The following DNAH9 variants were observed in gnomAD, a reference collection of about 807,000 sequenced individuals.
DNAH9 encodes the protein dynein axonemal heavy chain 9.
Under a neutral mutation model 471.6 loss-of-function variants are expected in DNAH9, and 345 were observed. The ratio of observed to expected loss-of-function variants is 0.73; its 90% confidence interval spans 0.67 to 0.80. DNAH9 has a LOEUF of 0.80. Ranked by LOEUF, DNAH9 falls within the 30% of genes least tolerant of loss-of-function variation. The pLI is 0.00. For missense variants in DNAH9, 5,407 were observed against 5,609.2 expected (o/e 0.96, Z 1.15); for synonymous variants, 2,093 against 2,123.6 (o/e 0.99, Z 0.40).
At chr17:11,698,039 G>A (rs962615655) in intron 22 of DNAH9, among the ~76,000 whole-genome samples, 20 of 143,268 alleles carry the variant, frequency 1.4e-4, no homozygotes, top group Non-Finnish European at 2.9e-4. Context: ...ATGTATAAAG[G>A]TTAAAAAAAT....
chr17:11,899,867 T>C (rs187388468), intron 59 of DNAH9, among the ~76,000 whole-genome samples: 98 of 152,280 alleles, frequency 6.4e-4, no homozygotes, highest in Admixed American at 2.2e-3. Context: ...ATTTCCTAAG[T>C]GCCAGGCACC....
chr17:11,656,024 G>A (rs937328576), intron 14 of DNAH9, among the ~76,000 whole-genome samples: 14 of 152,104 alleles, frequency 9.2e-5, no homozygotes, highest in African/African-American at 2.9e-4. Flanking sequence ...CTATAAACGG[G>A]CCTGTGCCCA....
At chr17:11,740,896 C>T (rs1269048456) in intron 29 of DNAH9, among the ~76,000 whole-genome samples, 2 of 152,036 alleles carry the variant, frequency 1.3e-5, no homozygotes, top group Non-Finnish European at 2.9e-5. Flanking sequence ...TTTTTTTTCC[C>T]AATACTGCAA....
At position 11,762,786 on chromosome 17, in the gene DNAH9, T is replaced by TGTTTTTTTTG. The variant is rs796619027; in HGVS notation, c.6996-654_6996-653insGTTTTTTTTG. Reference sequence around the variant, plus strand: ...TTTTTTTTTGTTTTTTTTTTTTTTTTTTTTTTTTTTTGAGATGGAGTCTCA... The same window carrying TGTTTTTTTTG: ...TTTTTTTTTGTTTTTTTTTTTTTTTTGTTTTTTTTGTTTTTTTTTTTGAGATGGAGTCTCA... On this transcript the variant is annotated intron_variant, in intron 35 of 68. Transcript: ENST00000262442. 6.7e-4 allele frequency among the ~76,000 whole-genome samples: 91 copies of TGTTTTTTTTG among 135,792 alleles called. 4 individuals carry two copies. The highest frequency in any genetic ancestry group is 2.3e-3 in the African/African-American group (87 of 37,318). The allele number at this position is 135,792 out of a possible 152,430, so 89.1% of individuals were successfully genotyped here.
intron 52 of DNAH9, 113 bp downstream of exon 52, chr17:11,871,899 C>A: frequency 2.6e-6 from 3 of 1,141,006 alleles, no homozygotes; most frequent in Admixed American, 2.1e-5. Flanking sequence ...ATCCCCACCA[C>A]CCCCTGAGCA....
chr17:11,780,706 A>G (rs1277806969), intron 38 of DNAH9, among the ~76,000 whole-genome samples: 1 of 152,226 alleles, frequency 6.6e-6, no homozygotes, highest in Admixed American at 6.5e-5. Flanking sequence ...AAAATGGGAT[A>G]ATACTAATCT....
chr17:11,877,526 C>T, intron 53 of DNAH9, among the ~76,000 whole-genome samples: 1 of 140,798 alleles, frequency 7.1e-6, no homozygotes, highest in Non-Finnish European at 1.5e-5. Flanking sequence ...GTATTTGAAG[C>T]TGGGTCATCC....
At chr17:11,686,898 T>G (rs2074251363) in intron 19 of DNAH9, among the ~76,000 whole-genome samples, 1 of 152,250 alleles carries the variant, frequency 6.6e-6, no homozygotes, top group Non-Finnish European at 1.5e-5. Flanking sequence ...TGCTTGAATT[T>G]TAACTAACAT....
chr17:11,934,977 T>G (rs949321633), intron 65 of DNAH9, among the ~76,000 whole-genome samples: 14 of 152,050 alleles, frequency 9.2e-5, no homozygotes, highest in Admixed American at 7.9e-4. Flanking sequence ...TTTCTTTTCT[T>G]TTATGAGACG....
intron 67 of DNAH9, among the ~76,000 whole-genome samples, chr17:11,955,925 C>T (rs1311029846): frequency 1.3e-5 from 2 of 152,212 alleles, no homozygotes; most frequent in Non-Finnish European, 2.9e-5. Context: ...TCATTGTAAA[C>T]CAAATTGTTT....
intron 24 of DNAH9, among the ~76,000 whole-genome samples, chr17:11,701,632 ACTG>A (rs1374508709): frequency 2.0e-5 from 3 of 152,174 alleles, no homozygotes; most frequent in African/African-American, 7.2e-5. Flanking sequence ...GTGGAACTGA[ACTG>A]CTGACACATA....
chr17:11,945,176 T>A (rs1381462083), intron 67 of DNAH9, among the ~76,000 whole-genome samples: 1 of 152,198 alleles, frequency 6.6e-6, no homozygotes, highest in East Asian at 1.9e-4. Flanking sequence ...CTGACCAGCT[T>A]ACCTGGCAGG....
chr17:11,871,051 G>A (rs139999223), intron 51 of DNAH9, among the ~76,000 whole-genome samples: 2,283 of 152,184 alleles, frequency 0.015, 50 homozygotes, highest in African/African-American at 0.052. Context: ...TCTCCTCCCA[G>A]GGAGACTGTA....
chr17:11,966,251 G>C (rs1976710750), intron 68 of DNAH9, among the ~76,000 whole-genome samples: 2 of 152,220 alleles, frequency 1.3e-5, no homozygotes, highest in South Asian at 4.1e-4. Flanking sequence ...TTCTCAATGA[G>C]AGTAATAGCT....
At chr17:11,695,912 C>T (rs984377609) in intron 22 of DNAH9, among the ~76,000 whole-genome samples, 1 of 152,152 alleles carries the variant, frequency 6.6e-6, no homozygotes, top group Non-Finnish European at 1.5e-5. Flanking sequence ...TAGTTGGGCT[C>T]ATTTGCTTCT....
chr17:11,930,875 G>A (rs184482751), intron 63 of DNAH9, among the ~76,000 whole-genome samples: 47 of 152,130 alleles, frequency 3.1e-4, no homozygotes, highest in African/African-American at 1.1e-3. Context: ...ACACAGTCAA[G>A]TTTGAGAATA....
At chr17:11,688,966 G>A (rs191714269) in intron 19 of DNAH9, among the ~76,000 whole-genome samples, 1 of 152,024 alleles carries the variant, frequency 6.6e-6, no homozygotes, top group Non-Finnish European at 1.5e-5. Context: ...CATGGTGGCA[G>A]GTGTCTGTAT....
intron 26 of DNAH9, among the ~76,000 whole-genome samples, chr17:11,715,209 CA>C (rs1567743805): frequency 6.6e-6 from 1 of 151,990 alleles, no homozygotes. Context: ...ATATCTGTAC[CA>C]AAAAAAGAAT....
At chr17:11,958,616 T>A (rs1345911166) in intron 67 of DNAH9, among the ~76,000 whole-genome samples, 2 of 152,064 alleles carry the variant, frequency 1.3e-5, no homozygotes, top group Non-Finnish European at 1.5e-5. Context: ...GTAACAAAGG[T>A]ACCGCTCTGG....
Sources: gnomAD v4.1 joint callset for allele counts (sites outside exome capture counted in the v4.1 genomes callset) on GRCh38, gnomAD v4.1.1 for gene constraint, MANE v1.5 for transcripts, NCBI Gene and HGNC (gene_info 2026-07-23, HGNC 2026-07-21) for gene names.